Variants in MAP7 observed in about 807,000 individuals in gnomAD.
MAP7 encodes ensconsin.
A neutral mutation model predicts 94.8 loss-of-function variants in MAP7; 52 were observed. The observed-to-expected ratio is 0.55, with a 90% CI of 0.44 to 0.69. MAP7 has a LOEUF of 0.69. MAP7 is among the 30% of genes least tolerant of loss of function. The pLI, the probability that MAP7 is intolerant of heterozygous loss-of-function variation, is 0.00. For synonymous variants in MAP7, 350 were observed against 357.0 expected, an observed-to-expected ratio of 0.98 and a Z score of 0.22; for missense variants, 940 against 964.6, an observed-to-expected ratio of 0.97 and a Z score of 0.34.
chr6:136,521,763 G>A (rs1324130806), intron 1 of MAP7, among the ~76,000 whole-genome samples: 3 of 152,152 alleles, frequency 2.0e-5, no homozygotes, highest in Non-Finnish European at 4.4e-5. Flanking sequence ...GTCTGTGTGA[G>A]CTTCCAACCT....
At chr6:136,388,591 G>A in intron 4 of MAP7, 81 bp from the exon 5 acceptor site, 2 of 1,056,060 alleles carry the variant, frequency 1.9e-6, no homozygotes, top group Non-Finnish European at 2.9e-6. Context: ...AATGGAGTGA[G>A]GAGTACTACT....
intron 1 of MAP7, chr6:136,526,283 A>G: frequency 9.9e-6 from 10 of 1,008,230 alleles, no homozygotes; most frequent in Non-Finnish European, 1.2e-5. Flanking sequence ...GCGCGCACAC[A>G]CACACACACA....
chr6:136,356,664 A>G, intron 16 of MAP7, 28 bp downstream of exon 16: 1 of 1,550,668 alleles, frequency 6.4e-7, no homozygotes, highest in East Asian at 2.2e-5. Flanking sequence ...GTAATGTTTT[A>G]CTTTAATGAA....
chr6:136,419,865 T>G, intron 2 of MAP7: 1 of 456,202 alleles, frequency 2.2e-6, no homozygotes, highest in Non-Finnish European at 4.2e-6. Flanking sequence ...TGTCACATAT[T>G]AAAGCTGTGT....
chr6:136,382,104 T>C (rs1359741162), intron 6 of MAP7, among the ~76,000 whole-genome samples: 1 of 151,850 alleles, frequency 6.6e-6, no homozygotes, highest in Non-Finnish European at 1.5e-5. Flanking sequence ...CCAACTAGAG[T>C]AGGTGATCTA....
intron 1 of MAP7, 123 bp from the exon 2 acceptor site, chr6:136,421,922 T>C: frequency 1.4e-6 from 1 of 695,002 alleles, no homozygotes. Flanking sequence ...ATTAAGGAAA[T>C]GAAAAGATGA....
intron 1 of MAP7, among the ~76,000 whole-genome samples, chr6:136,506,778 G>A (rs369459551): frequency 3.9e-5 from 6 of 152,168 alleles, no homozygotes; most frequent in Non-Finnish European, 4.4e-5. Flanking sequence ...TGGACAAACC[G>A]TAACCTAGCT....
intron 3 of MAP7, among the ~76,000 whole-genome samples, chr6:136,392,883 T>C (rs1231703038): frequency 3.3e-5 from 5 of 152,246 alleles, no homozygotes; most frequent in Admixed American, 2.0e-4. Flanking sequence ...TTTCAAATTC[T>C]CTGAGGACAT....
intron 2 of MAP7, among the ~76,000 whole-genome samples, chr6:136,415,913 T>A (rs1403381646): frequency 6.6e-6 from 1 of 152,248 alleles, no homozygotes; most frequent in Non-Finnish European, 1.5e-5. Flanking sequence ...GTGGTTGTGA[T>A]ACACTAGATG....
chr6:136,420,225 A>G, intron 2 of MAP7: 1 of 1,057,308 alleles, frequency 9.5e-7, no homozygotes, highest in Non-Finnish European at 1.5e-6. Flanking sequence ...CAGAGCCAGG[A>G]ACATAGAAAT....
intron 3 of MAP7, among the ~76,000 whole-genome samples, chr6:136,390,100 G>T (rs1229582374): frequency 6.6e-6 from 1 of 152,042 alleles, no homozygotes; most frequent in Non-Finnish European, 1.5e-5. Flanking sequence ...ATCAAAAGCT[G>T]GATGAAAAAT....
intron 1 of MAP7, among the ~76,000 whole-genome samples, chr6:136,548,781 G>T (rs1829919441): frequency 6.6e-6 from 1 of 152,288 alleles, no homozygotes; most frequent in East Asian, 1.9e-4. Context: ...CACTTAGCTC[G>T]CTAGAACAAT....
chr6:136,470,998 T>C (rs769303607), intron 1 of MAP7, among the ~76,000 whole-genome samples: 6 of 152,216 alleles, frequency 3.9e-5, no homozygotes, highest in Admixed American at 6.5e-5. Context: ...TCTTGGTGTT[T>C]GGTAGAATTG....
chr6:136,357,769 A>G (rs1432890134), intron 15 of MAP7, among the ~76,000 whole-genome samples: 1 of 152,214 alleles, frequency 6.6e-6, no homozygotes, highest in African/African-American at 2.4e-5. Flanking sequence ...TTGGGATTAT[A>G]GGCATGAGCT....
intron 1 of MAP7, among the ~76,000 whole-genome samples, chr6:136,439,617 C>A (rs1387961813): frequency 6.6e-6 from 1 of 152,204 alleles, no homozygotes. Context: ...TACCACCCTT[C>A]CCTCTTTTTT....
intron 1 of MAP7, among the ~76,000 whole-genome samples, chr6:136,432,546 AG>A (rs2128811091): frequency 6.6e-6 from 1 of 152,300 alleles, no homozygotes; most frequent in Non-Finnish European, 1.5e-5. Flanking sequence ...AGAATGTGAA[AG>A]GTTCCCCGAT....
At chr6:136,378,716 A>T (rs952823278) in intron 6 of MAP7, among the ~76,000 whole-genome samples, 1 of 152,242 alleles carries the variant, frequency 6.6e-6, no homozygotes, top group Non-Finnish European at 1.5e-5. Flanking sequence ...TAGTCAGGAC[A>T]TGTATGCCAA....
At chr6:136,431,492 C>CTTTCTTTATTTA (rs1554254554) in intron 1 of MAP7, among the ~76,000 whole-genome samples, 3 of 145,352 alleles carry the variant, frequency 2.1e-5, no homozygotes, top group Non-Finnish European at 4.5e-5. Context: ...CTTTTTAATG[C>CTTTCTTTATTTA]TTTATTTATT....
chr6:136,377,965 C>G, intron 6 of MAP7, 97 bp from the exon 7 acceptor site: 4 of 820,974 alleles, frequency 4.9e-6, no homozygotes, highest in Non-Finnish European at 7.9e-6. Flanking sequence ...GCTGGGCCTT[C>G]ACAGGACCAG....
Sources: gnomAD v4.1 joint callset for allele counts (sites outside exome capture counted in the v4.1 genomes callset) on GRCh38, gnomAD v4.1.1 for gene constraint, MANE v1.5 for transcripts, NCBI Gene and HGNC (gene_info 2026-07-23, HGNC 2026-07-21) for gene names.